Variants in UTS2 observed in about 807,000 individuals in gnomAD.
The protein encoded by UTS2 is urotensin 2, also known as urotensin-2.
UTS2 carries 10 observed loss-of-function variants against 12.6 expected under a neutral mutation model. The observed-to-expected ratio is 0.80, with a 90% CI of 0.49 to 1.35. The LOEUF (loss-of-function observed/expected upper bound fraction) is 1.35, where lower values mean the gene tolerates loss of function less well. Among genes scored for constraint, UTS2 ranks in the 40% most tolerant of loss-of-function variants. The pLI is 0.00. For synonymous variants in UTS2, 52 were observed against 50.0 expected (o/e 1.04, Z -0.17); for missense variants, 142 against 143.2 (o/e 0.99, Z 0.04).
At chr1:7,890,805 AGGATCACAGCACTGC>A in the UTS2 span, among the ~76,000 whole-genome samples, 1 of 148,662 alleles carries the variant, frequency 6.7e-6, no homozygotes. Flanking sequence ...CTGAGGTGGA[AGGATCACAGCACTGC>A]AATCTGAGTG....
At chr1:7,862,459 G>A in the UTS2 span, among the ~76,000 whole-genome samples, 4 of 151,110 alleles carry the variant, frequency 2.6e-5, no homozygotes, top group African/African-American at 9.7e-5. Context: ...TACTTTCAAC[G>A]GCAAAATCTG....
upstream of UTS2, chr1:7,853,573 A>G: frequency 8.3e-7 from 1 of 1,206,446 alleles, no homozygotes; most frequent in Non-Finnish European, 1.2e-6. Context: ...CATAGCAAAC[A>G]TTGCTCCAGG....
the UTS2 span, among the ~76,000 whole-genome samples, chr1:7,884,893 A>G: frequency 1.3e-5 from 2 of 150,590 alleles, no homozygotes; most frequent in Admixed American, 1.3e-4. Context: ...CCATCCATCC[A>G]TCTGCCCATC....
the UTS2 span, among the ~76,000 whole-genome samples, chr1:7,864,027 C>T: frequency 6.6e-6 from 1 of 152,226 alleles, no homozygotes; most frequent in Non-Finnish European, 1.5e-5. Flanking sequence ...AGAGTGGAAG[C>T]GTCAGCGTGT....
chr1:7,873,108 A>T, the UTS2 span, among the ~76,000 whole-genome samples: 2 of 152,210 alleles, frequency 1.3e-5, no homozygotes, highest in African/African-American at 4.8e-5. Context: ...TAAATATTTT[A>T]ATATTTTAAG....
chr1:7,885,895 T>TG, the UTS2 span, among the ~76,000 whole-genome samples: 15 of 3,954 alleles, frequency 3.8e-3, no homozygotes, highest in African/African-American at 6.3e-3. Flanking sequence ...CAGGTGGTGG[T>TG]GGGGGGGTGG....
the UTS2 span, among the ~76,000 whole-genome samples, chr1:7,890,740 A>AT: frequency 1.5e-3 from 232 of 150,840 alleles, 2 homozygotes; most frequent in Non-Finnish European, 2.1e-3. Context: ...AAAAAAAAAA[A>AT]AAAAAATGAA....
At chr1:7,887,700 C>T in the UTS2 span, among the ~76,000 whole-genome samples, 138 of 144,344 alleles carry the variant, frequency 9.6e-4, no homozygotes, top group African/African-American at 2.9e-3. Flanking sequence ...CAAGAGGAGG[C>T]GGAGGTTGCG....
At chr1:7,895,570 T>C in the UTS2 span, among the ~76,000 whole-genome samples, 1 of 152,064 alleles carries the variant, frequency 6.6e-6, no homozygotes, top group Admixed American at 6.6e-5. Flanking sequence ...TTAAAATCAG[T>C]AAATTGTCAA....
At chr1:7,892,868 C>T in the UTS2 span, among the ~76,000 whole-genome samples, 1 of 152,102 alleles carries the variant, frequency 6.6e-6, no homozygotes. Context: ...CCCATCTCAA[C>T]GTCCTTAACT....
the UTS2 span, among the ~76,000 whole-genome samples, chr1:7,899,253 C>G: frequency 6.6e-6 from 1 of 152,144 alleles, no homozygotes; most frequent in Non-Finnish European, 1.5e-5. Flanking sequence ...AGATTCAAAC[C>G]ATATCAGAGA....
the UTS2 span, among the ~76,000 whole-genome samples, chr1:7,902,195 T>G: frequency 6.0e-3 from 1 of 166 alleles, no homozygotes; most frequent in African/African-American, 0.026. Context: ...AGGCTATCTC[T>G]GCCCCCGGGT....
At chr1:7,877,135 AAAAAAAAG>A in the UTS2 span, among the ~76,000 whole-genome samples, 17,169 of 92,994 alleles carry the variant, frequency 0.18, 1,067 homozygotes, top group South Asian at 0.27. Flanking sequence ...TCAAAAAAAA[AAAAAAAAG>A]AAAAAAAAAA....
chr1:7,873,575 A>C, the UTS2 span, among the ~76,000 whole-genome samples: 1 of 152,210 alleles, frequency 6.6e-6, no homozygotes, highest in African/African-American at 2.4e-5. Flanking sequence ...CAAAAGAACT[A>C]GAATTAGAAG....
chr1:7,899,078 A>G, the UTS2 span, among the ~76,000 whole-genome samples: 1 of 152,228 alleles, frequency 6.6e-6, no homozygotes, highest in East Asian at 1.9e-4. Context: ...AAACAGGAGG[A>G]AGAGAGAGAG....
upstream of UTS2, among the ~76,000 whole-genome samples, chr1:7,854,637 A>T (rs1437851547): frequency 6.6e-6 from 1 of 152,148 alleles, no homozygotes; most frequent in Admixed American, 6.5e-5. Context: ...GACACAAATC[A>T]CACAGGAAAA....
At chr1:7,909,354 G>A in the UTS2 span, among the ~76,000 whole-genome samples, 2 of 151,974 alleles carry the variant, frequency 1.3e-5, no homozygotes, top group Non-Finnish European at 2.9e-5. Flanking sequence ...AGACCAGCCT[G>A]GTTAACATGG....
chr1:7,880,812 CCT>C, the UTS2 span, among the ~76,000 whole-genome samples: 1 of 152,228 alleles, frequency 6.6e-6, no homozygotes, highest in Admixed American at 6.5e-5. Flanking sequence ...CCAGCATTAC[CCT>C]GATACCAAAC....
At chr1:7,880,393 T>C in the UTS2 span, among the ~76,000 whole-genome samples, 2 of 118,894 alleles carry the variant, frequency 1.7e-5, no homozygotes, top group Non-Finnish European at 3.2e-5. Context: ...ATAAAACTGC[T>C]AGCTAGACTA....
Sources: gnomAD v4.1 joint callset for allele counts (sites outside exome capture counted in the v4.1 genomes callset) on GRCh38, gnomAD v4.1.1 for gene constraint, MANE v1.5 for transcripts, NCBI Gene and HGNC (gene_info 2026-07-23, HGNC 2026-07-21) for gene names.